PTPN12: variants seen among roughly 807,000 people sequenced by gnomAD.
The protein encoded by PTPN12 is tyrosine-protein phosphatase non-receptor type 12.
Under a neutral mutation model 97.6 loss-of-function variants are expected in PTPN12, and 29 were observed. The observed-to-expected ratio is 0.30, with a 90% CI of 0.22 to 0.41. The LOEUF (loss-of-function observed/expected upper bound fraction) is 0.41, where lower values mean the gene tolerates loss of function less well. Ranked by LOEUF, PTPN12 falls within the 10% of genes least tolerant of loss-of-function variation. The pLI is 1.00. For missense variants in PTPN12, 819 were observed against 926.0 expected (o/e 0.88, Z 1.50); for synonymous variants, 327 against 300.4 (o/e 1.09, Z -0.91).
chr7:77,556,308 C>G (rs1478997251), intron 1 of PTPN12, among the ~76,000 whole-genome samples: 1 of 152,076 alleles, frequency 6.6e-6, no homozygotes, highest in Non-Finnish European at 1.5e-5. Flanking sequence ...AGAGACCTGC[C>G]TACCTCTGCC....
At chr7:77,590,677 CA>C (rs1050472096) in intron 5 of PTPN12, among the ~76,000 whole-genome samples, 51 of 152,010 alleles carry the variant, frequency 3.4e-4, no homozygotes, top group African/African-American at 1.1e-3. Context: ...TCTCATGTCT[CA>C]GCCTCCTGAG....
chr7:77,630,229 GATT>G (rs1455702719), intron 13 of PTPN12, among the ~76,000 whole-genome samples: 3 of 152,118 alleles, frequency 2.0e-5, no homozygotes, highest in African/African-American at 7.2e-5. Context: ...TTACCTTATA[GATT>G]ATTATTTCCT....
intron 8 of PTPN12, among the ~76,000 whole-genome samples, chr7:77,605,725 A>G (rs185466303): frequency 1.5e-3 from 221 of 151,630 alleles, no homozygotes; most frequent in Non-Finnish European, 2.5e-3. Flanking sequence ...CCAGCCTGTC[A>G]TGTTTTAAAA....
chr7:77,609,749 C>A (rs1325685662), intron 9 of PTPN12, among the ~76,000 whole-genome samples: 1 of 151,738 alleles, frequency 6.6e-6, no homozygotes, highest in African/African-American at 2.4e-5. Context: ...GGCGTAGTGG[C>A]GGGGGCCTGT....
intron 1 of PTPN12, among the ~76,000 whole-genome samples, chr7:77,549,945 C>T (rs1807407267): frequency 6.6e-6 from 1 of 152,148 alleles, no homozygotes; most frequent in African/African-American, 2.4e-5. Context: ...AGAAATATAT[C>T]ACTATCTGAA....
Position 77,537,492 on chromosome 7 carries a change from C to A in PTPN12, c.-55C>A. The A allele has an allele frequency of 7.4e-7, 1 of 1,345,770 alleles. No homozygotes were observed. The highest frequency in any genetic ancestry group is 9.7e-7 in the Non-Finnish European group (1 of 1,030,350). The allele number at this position is 1,345,770 out of a possible 1,614,324, so 83.4% of individuals were successfully genotyped here. On this transcript the variant is annotated 5_prime_UTR_variant, in exon 1 of 18. Transcript: ENST00000248594. ...TGGGGAAGACGGAGCGGGCTCTGTG[C>A]CGGGCGGGCGGGCGGCGGGGGGGCC...
At chr7:77,546,701 G>T (rs1333880027) in intron 1 of PTPN12, among the ~76,000 whole-genome samples, 1 of 152,152 alleles carries the variant, frequency 6.6e-6, no homozygotes, top group Non-Finnish European at 1.5e-5. Context: ...CCCGAGACTG[G>T]GTAATTTATA....
At chr7:77,618,980 A>G (rs1015729219) in intron 12 of PTPN12, among the ~76,000 whole-genome samples, 2 of 152,136 alleles carry the variant, frequency 1.3e-5, no homozygotes, top group Non-Finnish European at 2.9e-5. Context: ...TTGCTTTTCT[A>G]CCAAGCTCAT....
Position 77,537,661 on chromosome 7 carries a change from C to G in PTPN12, c.99+16C>G. 1.9e-6 allele frequency: 3 copies of G among 1,576,884 alleles called. No homozygotes were observed. The highest frequency in any genetic ancestry group is 2.6e-6 in the Non-Finnish European group (3 of 1,163,118). On this transcript the variant is annotated intron_variant, in intron 1 of 17. Transcript: ENST00000248594. Reference sequence around the variant, plus strand: ...GGACTTCATGGTGAGTCTCTCCCCTCGCTGTCGCGTTTTCTTGCCGGCGCC... The same window carrying G: ...GGACTTCATGGTGAGTCTCTCCCCTGGCTGTCGCGTTTTCTTGCCGGCGCC...
At position 77,607,296 on chromosome 7, in the gene PTPN12, G is replaced by A. The variant is rs1317348184; in HGVS notation, c.757G>A (p.Ala253Thr). 6.2e-7 allele frequency: 1 copy of A among 1,606,288 alleles called. No individual in the cohort carries two copies. Among genetic ancestry groups the A allele is most frequent in the Non-Finnish European group, 8.5e-7 (1 of 1,173,558 alleles). ...AGATTATACGTGGAATTTACTAAAA[G>A]CTGGGGTAAGAATAATTTTTTGTAG... ...AIDYTWNLLK[A>T]GKIPEEFNVF... The change falls in exon 9 of 18, where the codon GCT becomes ACT. Residue 253 changes from alanine to threonine, a missense_variant. This residue lies in a region of PTPN12 where 42 missense variants were observed against 120.9 expected (regional missense o/e 0.35). Transcript: ENST00000248594.
intron 12 of PTPN12, among the ~76,000 whole-genome samples, chr7:77,625,502 T>A (rs1380828958): frequency 9.3e-6 from 1 of 106,956 alleles, no homozygotes; most frequent in African/African-American, 3.7e-5. Context: ...TCTCTCTCTC[T>A]CTCTCTCTCT....
intron 1 of PTPN12, among the ~76,000 whole-genome samples, chr7:77,554,823 G>A (rs908125306): frequency 6.6e-6 from 1 of 152,210 alleles, no homozygotes; most frequent in African/African-American, 2.4e-5. Context: ...GAGACTACAG[G>A]CATGCACCGC....
intron 13 of PTPN12, among the ~76,000 whole-genome samples, chr7:77,629,944 A>AG (rs1363675122): frequency 4.0e-5 from 6 of 151,550 alleles, no homozygotes; most frequent in Non-Finnish European, 8.8e-5. Context: ...TGTCTCAAAA[A>AG]AAAAAAAAAA....
intron 4 of PTPN12, chr7:77,585,058 G>A (rs1284949910): frequency 1.3e-5 from 2 of 152,212 alleles, no homozygotes; most frequent in African/African-American, 2.4e-5. Context: ...ATAGGTGATG[G>A]CTATACAATG....
chr7:77,558,386 G>T (rs1807827304), intron 1 of PTPN12, among the ~76,000 whole-genome samples: 1 of 152,068 alleles, frequency 6.6e-6, no homozygotes, highest in African/African-American at 2.4e-5. Context: ...GATCCAGCAT[G>T]TCAACTTTAG....
Position 77,573,082 on chromosome 7 carries a change from CA to C in PTPN12, c.208+1910del, listed in dbSNP as rs1219989240. ...TGGGCGACAGAGTAAGACTCTATCT[CA>C]AAAAAAAAAAAAACAAAAAAACAAA... On this transcript the variant is annotated intron_variant, in intron 2 of 17. Coordinates refer to ENST00000248594, the MANE Select transcript of PTPN12 (RefSeq NM_002835.4). Among the ~76,000 whole-genome samples, 80 of 36,366 alleles carry C rather than the reference CA, an allele frequency of 2.2e-3. 6 individuals carry two copies. Among genetic ancestry groups the C allele is most frequent in the Admixed American group, 8.8e-3 (18 of 2,044 alleles). The allele number at this position is 36,366 out of a possible 152,430, so 23.9% of individuals were successfully genotyped here.
intron 2 of PTPN12, among the ~76,000 whole-genome samples, chr7:77,575,038 C>T (rs7788653): frequency 0.68 from 103,610 of 151,734 alleles, 36,423 homozygotes; most frequent in East Asian, 0.9. Flanking sequence ...TTCACCATGT[C>T]GGCCAGGCTG....
chr7:77,627,511 G>A lies in PTPN12; in HGVS notation c.1832G>A (p.Arg611Lys). Residue 611 changes from arginine to lysine, a missense_variant, in exon 13 of 18, where the codon AGA becomes AAA. Coordinates refer to ENST00000248594, the MANE Select transcript of PTPN12 (RefSeq NM_002835.4). ...TCTGATGACTCAGACTCAGATGAAA[G>A]AAACTCTGATGGTGCTGTGACCCAG... ...LHSDDSDSDE[R>K]NSDGAVTQNK... 6.2e-7 allele frequency: 1 copy of A among 1,614,006 alleles called. No individual in the cohort carries two copies. The highest frequency in any genetic ancestry group is 8.5e-7 in the Non-Finnish European group (1 of 1,179,968).
rs3750050 is a variant in PTPN12 at position 77,627,396 on chromosome 7, A to G, written c.1717A>G (p.Thr573Ala). The G allele has an allele frequency of 0.19, 311,730 of 1,613,716 alleles. 41,036 individuals carry two copies. The highest frequency in any genetic ancestry group is 0.71 in the East Asian group (31,878 of 44,874). Residue 573 changes from threonine (T) to alanine (A), a missense_variant, in exon 13 of 18, where the codon ACA becomes GCA. Coordinates refer to ENST00000248594, the MANE Select transcript of PTPN12 (RefSeq NM_002835.4). ...RKTVSLTPSP[T>A]TQVETPDLVD... Reference sequence around the variant, plus strand: ...AACTGTGAGTTTAACACCAAGTCCTACAACACAAGTTGAAACACCTGATCT... The same window carrying G: ...AACTGTGAGTTTAACACCAAGTCCTGCAACACAAGTTGAAACACCTGATCT...
Sources: gnomAD v4.1 joint callset for allele counts (sites outside exome capture counted in the v4.1 genomes callset) on GRCh38, gnomAD v4.1.1 for gene constraint, gnomAD v4.1.1 regional missense constraint, MANE v1.5 for transcripts, NCBI Gene and HGNC (gene_info 2026-07-23, HGNC 2026-07-21) for gene names.